TP53I3: variants seen among roughly 807,000 people sequenced by gnomAD.
The protein encoded by TP53I3 is tumor protein p53 inducible protein 3, also known as quinone oxidoreductase PIG3.
TP53I3 carries 32 observed loss-of-function variants against 27.7 expected under a neutral mutation model. That is an observed-to-expected ratio of 1.16 (90% CI 0.87 to 1.55). The LOEUF is 1.55. Ranked by LOEUF, TP53I3 falls within the 40% of genes most tolerant of loss-of-function variation. The pLI is 0.00. For missense variants in TP53I3, 372 were observed against 412.3 expected, an observed-to-expected ratio of 0.90 and a Z score of 0.85; for synonymous variants, 138 against 167.8, an observed-to-expected ratio of 0.82 and a Z score of 1.37.
rs140437175 is a variant in TP53I3, at chr2:24,079,558, T to A, written c.702A>T (p.Arg234=). 10 of 1,613,990 alleles carry A rather than the reference T, an allele frequency of 6.2e-6. No individual in the cohort carries two copies. In the African/African-American group the frequency reaches 1.2e-4, roughly 19 times the overall value. The part of the protein sequence containing the change: ...KNVNCLALDG[R]WVLYGLMGGG... ...CTCCCATCAGACCATAGAGAACCCA[T>A]CGACCATCAAGAGCCAGGCAGTTGA... Residue 234 remains arginine, a synonymous_variant, in exon 4 of 5, where the codon CGA becomes CGT. Transcript: ENST00000238721.
In TP53I3 at chr2:24,080,818, C is replaced by A; in HGVS notation, c.619+1G>T. On this transcript the variant is annotated splice_donor_variant, in intron 3 of 4. Transcript: ENST00000238721. LOFTEE classifies it high-confidence loss of function. This position sits in a 1 kb window ranked among gnomAD's most constrained non-coding sequence, Gnocchi z 4.7. ...GCTGAACTGTAGAAGCAGTTGTTTA[C>A]CTTTGGTGAATTTCAGCGTTGCTTC... 6.2e-7 allele frequency: 1 copy of A among 1,614,092 alleles called. No individual in the cohort carries two copies. Among genetic ancestry groups the A allele is most frequent in the Non-Finnish European group, 8.5e-7 (1 of 1,180,016 alleles).
intron 1 of TP53I3, among the ~76,000 whole-genome samples, chr2:24,083,738 C>G (rs1665121192): frequency 6.6e-6 from 1 of 152,134 alleles, no homozygotes; most frequent in African/African-American, 2.4e-5. Context: ...CTGTCAGCTC[C>G]GGGACTCTCA....
In TP53I3 at chr2:24,077,796, A is replaced by G. The variant is rs1664823317; in HGVS notation, c.817-35T>C. 6.3e-7 allele frequency: 1 copy of G among 1,589,196 alleles called. No individual in the cohort carries two copies. Among genetic ancestry groups the G allele is most frequent in the East Asian group, 2.2e-5 (1 of 44,726 alleles). On this transcript the variant is annotated intron_variant, in intron 4 of 4. Coordinates refer to ENST00000238721, the MANE Select transcript of TP53I3 (RefSeq NM_004881.5). This position sits in a 1 kb window ranked among gnomAD's most constrained non-coding sequence, Gnocchi z 5.5. The stretch of plus-strand genomic sequence containing the variant: ...GGGAAAGGAGATCATCAGCCTGGGG[A>G]GAGAGCCTCACCCTGCCCTCCTCAT...
At chr2:24,079,345 C>T (rs1043833946) in intron 4 of TP53I3, 99 bp downstream of exon 4, 366 of 1,325,384 alleles carry the variant, frequency 2.8e-4, no homozygotes, top group Non-Finnish European at 5.2e-5. Flanking sequence ...TAGAAACTAA[C>T]CTCCGTAATC....
intron 4 of TP53I3, 99 bp downstream of exon 4, chr2:24,079,345 C>A: frequency 1.5e-6 from 2 of 1,325,504 alleles, no homozygotes; most frequent in Non-Finnish European, 2.1e-6. Context: ...TAGAAACTAA[C>A]CTCCGTAATC....
rs1452030194 is a variant in TP53I3, at chr2:24,084,508, C to T, written c.-182G>A. The T allele has an allele frequency of 6.2e-6, 5 of 805,586 alleles. No homozygotes were observed. The highest frequency in any genetic ancestry group is 7.4e-5 in the Admixed American group (2 of 27,110). The allele number at this position is 805,586 out of a possible 1,614,324, so 49.9% of individuals were successfully genotyped here. On this transcript the variant is annotated 5_prime_UTR_variant, in exon 1 of 5. Transcript: ENST00000238721. This position sits in a 1 kb window ranked among gnomAD's most constrained non-coding sequence, Gnocchi z 8.4. ...AGCGCCTCGCTGCCCTGGTCTGCCG[C>T]GGACCCGGCCTCCGCCCCGAGCTCC...
intron 1 of TP53I3, 75 bp from the exon 2 acceptor site, chr2:24,083,227 A>G: frequency 6.8e-7 from 1 of 1,479,980 alleles, no homozygotes; most frequent in Non-Finnish European, 9.0e-7. Context: ...CCCCCCTTCC[A>G]AGATCCCCTC....
At chr2:24,078,049 A>G (rs1470323003) in intron 4 of TP53I3, among the ~76,000 whole-genome samples, 1 of 152,210 alleles carries the variant, frequency 6.6e-6, no homozygotes. Context: ...AGCAAGTCAT[A>G]AAGATTCCTC....
intron 3 of TP53I3, among the ~76,000 whole-genome samples, chr2:24,079,934 C>A (rs190555193): frequency 8.2e-4 from 125 of 152,274 alleles, no homozygotes; most frequent in Non-Finnish European, 1.4e-3. Flanking sequence ...CACCCAGGCA[C>A]GATTGAGAAC....
chr2:24,079,285 T>C, intron 4 of TP53I3, 159 bp downstream of exon 4: 1 of 687,686 alleles, frequency 1.5e-6, no homozygotes, highest in Non-Finnish European at 2.4e-6. Context: ...TCTGAATCAG[T>C]TCTCTGAAAT....
rs749515205 is a variant in TP53I3, at chr2:24,084,142, G to C, written c.138+47C>G. 58 of 1,573,284 alleles carry C rather than the reference G, an allele frequency of 3.7e-5. No individual in the cohort carries two copies. Among genetic ancestry groups the C allele is most frequent in the Admixed American group, 2.6e-4 (15 of 57,056 alleles). On this transcript the variant is annotated intron_variant, in intron 1 of 4. Transcript: ENST00000238721. This position sits in a 1 kb window ranked among gnomAD's most constrained non-coding sequence, Gnocchi z 8.4. ...ATGTCCACTGAGTGCTGTTGAGAGG[G>C]AGGCTCTGGAGTCCCGCCCGCCCCG...
intron 1 of TP53I3, among the ~76,000 whole-genome samples, chr2:24,083,605 A>G (rs1665112661): frequency 1.3e-5 from 2 of 152,302 alleles, no homozygotes; most frequent in South Asian, 2.1e-4. Context: ...CTGGGCCCCC[A>G]TCACGTTTCT....
Position 24,080,901 on chromosome 2 carries a change from T to G in TP53I3, c.537A>C (p.Gln179His). ...LVTAGSQKKLQMAEKLGAAAG... is the reference protein window; with the variant it reads ...LVTAGSQKKLHMAEKLGAAAG... ...CAGCTGCTCCAAGCTTTTCTGCCAT[T>G]TGAAGCTTCTTCTGGGAGCCAGCTG... Residue 179 changes from glutamine to histidine, a missense_variant, in exon 3 of 5, where the codon CAA (glutamine) becomes CAC (histidine). Coordinates refer to ENST00000238721, the MANE Select transcript of TP53I3 (RefSeq NM_004881.5). This position sits in a 1 kb window ranked among gnomAD's most constrained non-coding sequence, Gnocchi z 4.7. 6.2e-7 allele frequency: 1 copy of G among 1,614,224 alleles called. No homozygotes were observed.
Position 24,077,963 on chromosome 2 carries a change from T to C in TP53I3, c.817-202A>G, listed in dbSNP as rs1272893735. On this transcript the variant is annotated intron_variant, in intron 4 of 4. Transcript: ENST00000238721. The surrounding 1 kb of genome is among the most constrained non-coding windows in gnomAD (Gnocchi z 5.5). ...CTCAGAATATGTCCGATAGGTATATTGTTAATTTTGAGGTGAAAGCATTGG... is the reference window on the plus strand; with the variant it reads ...CTCAGAATATGTCCGATAGGTATATCGTTAATTTTGAGGTGAAAGCATTGG... 1.3e-5 allele frequency among the ~76,000 whole-genome samples: 2 copies of C among 152,188 alleles called. No homozygotes were observed. The highest frequency in any genetic ancestry group is 2.4e-5 in the African/African-American group (1 of 41,442).
chr2:24,084,537 C>T lies in TP53I3; in HGVS notation c.-211G>A. On this transcript the variant is annotated 5_prime_UTR_variant, in exon 1 of 5. Coordinates refer to ENST00000238721, the MANE Select transcript of TP53I3 (RefSeq NM_004881.5). This position sits in a 1 kb window ranked among gnomAD's most constrained non-coding sequence, Gnocchi z 8.4. ...CCCGGCCTCCGCCCCGAGCTCCTGC[C>T]TGGGAAGTCCTCGGCCGCCTCCAGA... The T allele has an allele frequency of 8.0e-6, 5 of 624,572 alleles. No homozygotes were observed. Among genetic ancestry groups the T allele is most frequent in the Non-Finnish European group, 1.0e-5 (4 of 391,810 alleles). 38.7% of individuals were successfully genotyped at this position (624,572 alleles called of 1,614,324 possible). A position where few individuals can be genotyped will look rare whatever the true frequency, so the allele number is the denominator to read the frequency against.
In TP53I3 at chr2:24,079,497, G is replaced by A. The variant is rs1664904916; in HGVS notation, c.763C>T (p.Leu255Phe). ...GTGATCAGACTTCCTCGCTTAAAAAGTAGCTTTGAAAACAGGGGCCCATTG... is the reference window on the plus strand; with the variant it reads ...GTGATCAGACTTCCTCGCTTAAAAAATAGCTTTGAAAACAGGGGCCCATTG... Reference protein sequence around the residue: ...DINGPLFSKLLFKRGSLITSL... With the variant: ...DINGPLFSKLFFKRGSLITSL... Residue 255 changes from leucine (L) to phenylalanine (F), a missense_variant, in exon 4 of 5, where the codon CTT becomes TTT. Physicochemically the swap from Leu to Phe is conservative, Grantham distance 22. Transcript: ENST00000238721. The A allele has an allele frequency of 2.5e-6, 4 of 1,614,068 alleles. No homozygotes were observed. In the East Asian group the frequency reaches 8.9e-5, roughly 36 times the overall value.
At chr2:24,079,187 T>C in intron 4 of TP53I3, 2 of 476,776 alleles carry the variant, frequency 4.2e-6, no homozygotes, top group South Asian at 3.1e-5. Context: ...ATATAGTCAG[T>C]GCTTTCTTCA....
chr2:24,084,165 C>A lies in TP53I3; in HGVS notation c.138+24G>T. 1 of 1,597,204 alleles carries A rather than the reference C, an allele frequency of 6.3e-7. No homozygotes were observed. The highest frequency in any genetic ancestry group is 8.5e-7 in the Non-Finnish European group (1 of 1,173,230). ...GGGAGGCTCTGGAGTCCCGCCCGCCCCGGCGCGGCTGAGCCCTGGGTACCT... is the reference window on the plus strand; with the variant it reads ...GGGAGGCTCTGGAGTCCCGCCCGCCACGGCGCGGCTGAGCCCTGGGTACCT... On this transcript the variant is annotated intron_variant, in intron 1 of 4. Transcript: ENST00000238721. This position sits in a 1 kb window ranked among gnomAD's most constrained non-coding sequence, Gnocchi z 8.4.
Position 24,077,522 on chromosome 2 carries a change from C to G in TP53I3, c.*57G>C. On this transcript the variant is annotated 3_prime_UTR_variant, in exon 5 of 5. Transcript: ENST00000238721. This position sits in a 1 kb window ranked among gnomAD's most constrained non-coding sequence, Gnocchi z 5.5. ...TTGGCCTGTCTATTGTGAATCTTCTCCAGGTTTGCTCTGGAAAGGCCTGGG... is the reference window on the plus strand; with the variant it reads ...TTGGCCTGTCTATTGTGAATCTTCTGCAGGTTTGCTCTGGAAAGGCCTGGG... The G allele has an allele frequency of 1.9e-6, 3 of 1,538,852 alleles. No homozygotes were observed. The highest frequency in any genetic ancestry group is 2.4e-5 in the South Asian group (2 of 82,194).
Sources: allele counts gnomAD v4.1 joint callset (sites outside exome capture counted in the v4.1 genomes callset), GRCh38; gene constraint gnomAD v4.1.1; non-coding constraint Gnocchi (gnomAD v3.1); transcripts MANE v1.5; gene names NCBI Gene and HGNC (gene_info 2026-07-23, HGNC 2026-07-21).